MYO9A: variants seen among roughly 807,000 people sequenced by gnomAD.
MYO9A encodes the protein unconventional myosin-IXa.
A neutral mutation model predicts 293.3 loss-of-function variants in MYO9A; 103 were observed. The ratio of observed to expected loss-of-function variants is 0.35; its 90% CI spans 0.30 to 0.41. MYO9A has a LOEUF of 0.41. Among genes scored for constraint, MYO9A ranks in the 10% least tolerant of loss-of-function variants. MYO9A has a pLI of 1.00. For synonymous variants in MYO9A, 1,001 were observed against 1,035.7 expected, an observed-to-expected ratio of 0.97 and a Z score of 0.64; for missense variants, 2,685 against 3,033.0, an observed-to-expected ratio of 0.89 and a Z score of 2.69.
chr15:71,912,508 G>A (rs1410589047), intron 19 of MYO9A, among the ~76,000 whole-genome samples: 3 of 152,040 alleles, frequency 2.0e-5, no homozygotes, highest in African/African-American at 4.8e-5. Flanking sequence ...TGCCTGCCTC[G>A]GCCTCCCAAA....
intron 11 of MYO9A, among the ~76,000 whole-genome samples, chr15:71,987,526 A>C (rs1433977890): frequency 6.6e-6 from 1 of 152,216 alleles, no homozygotes; most frequent in Non-Finnish European, 1.5e-5. Flanking sequence ...ATATGCCAGA[A>C]TCAACCCTGG....
intron 1 of MYO9A, among the ~76,000 whole-genome samples, chr15:72,074,077 T>A (rs1276398200): frequency 6.6e-6 from 1 of 152,106 alleles, no homozygotes; most frequent in Non-Finnish European, 1.5e-5. Context: ...TCACCTGCCT[T>A]TACACATAAA....
intron 18 of MYO9A, among the ~76,000 whole-genome samples, chr15:71,923,971 T>A (rs569231328): frequency 6.6e-6 from 1 of 152,272 alleles, no homozygotes; most frequent in Non-Finnish European, 1.5e-5. Context: ...CTTACTAACG[T>A]AGACAATTAT....
chr15:71,849,560 G>T (rs1316742834), intron 38 of MYO9A, among the ~76,000 whole-genome samples: 3 of 152,070 alleles, frequency 2.0e-5, no homozygotes, highest in Admixed American at 6.5e-5. Flanking sequence ...CTGGGGATGG[G>T]ATCCAAATAT....
chr15:71,823,680 A>G lies in MYO9A; in HGVS notation c.*2900T>C, dbSNP rs1212075346. The G allele has an allele frequency of 6.6e-6, 1 of 152,238 alleles. No homozygotes were observed. Among genetic ancestry groups the G allele is most frequent in the African/African-American group, 2.4e-5 (1 of 41,458 alleles). 9.4% of individuals were successfully genotyped at this position (152,238 alleles called of 1,614,324 possible). ...TTGTTACATTTTCCATAATAAGTAC[A>G]TACTAAATTACAGGGATACATTCAC... On this transcript the variant is annotated 3_prime_UTR_variant, in exon 42 of 42. Transcript: ENST00000356056.
chr15:71,994,391 T>C, intron 10 of MYO9A, 78 bp downstream of exon 10: 1 of 853,274 alleles, frequency 1.2e-6, no homozygotes, highest in East Asian at 2.6e-5. Flanking sequence ...TAATTCTGTG[T>C]TTTTAAATTT....
intron 4 of MYO9A, among the ~76,000 whole-genome samples, chr15:72,026,072 G>A (rs917776669): frequency 2.2e-4 from 33 of 151,830 alleles, no homozygotes; most frequent in Admixed American, 6.6e-5. Context: ...AGGAGATCGA[G>A]ACCATCCTGG....
intron 19 of MYO9A, among the ~76,000 whole-genome samples, chr15:71,913,815 T>C (rs995728026): frequency 6.6e-6 from 1 of 152,180 alleles, no homozygotes; most frequent in African/African-American, 2.4e-5. Flanking sequence ...AGCCTTTACA[T>C]TAGGACTATT....
rs928915608 is a variant in MYO9A at position 72,027,724 on chromosome 15, T to C, written c.998+7A>G. The C allele has an allele frequency of 3.1e-6, 5 of 1,596,048 alleles. No homozygotes were observed. The highest frequency in any genetic ancestry group is 4.3e-6 in the Non-Finnish European group (5 of 1,170,410). ...CTTCATCTAATTACACAAATAAAAATACGTACCGTTCATTATGCTCCTGAT... is the reference window on the plus strand; with the variant it reads ...CTTCATCTAATTACACAAATAAAAACACGTACCGTTCATTATGCTCCTGAT... On this transcript the variant is annotated splice_region_variant and intron_variant, in intron 4 of 41. Transcript: ENST00000356056.
chr15:71,964,757 A>C (rs2075830091), intron 13 of MYO9A, among the ~76,000 whole-genome samples: 1 of 152,028 alleles, frequency 6.6e-6, no homozygotes, highest in Non-Finnish European at 1.5e-5. Context: ...ACTGCATTCC[A>C]GCCGGGTGAC....
At chr15:71,852,001 T>G in intron 36 of MYO9A, 131 bp downstream of exon 36, 1 of 1,076,724 alleles carries the variant, frequency 9.3e-7, no homozygotes, top group Non-Finnish European at 1.3e-6. Context: ...CGTTTTGTAT[T>G]CACTGTCAAA....
chr15:71,887,895 C>G (rs951162932), intron 27 of MYO9A, 109 bp downstream of exon 27: 1 of 542,686 alleles, frequency 1.8e-6, no homozygotes. Flanking sequence ...AGTTTAATTT[C>G]AAAAGTGGCC....
At chr15:71,946,194 T>C (rs1418084969) in intron 15 of MYO9A, among the ~76,000 whole-genome samples, 1 of 152,218 alleles carries the variant, frequency 6.6e-6, no homozygotes, top group Admixed American at 6.5e-5. Context: ...AACAGAATAA[T>C]AACACTGGCC....
rs542896824 is a variant in MYO9A at position 71,825,348 on chromosome 15, TA to T, written c.*1231del. ...AGGGAAGCACAAGGTTAAAAAGAAA[TA>T]TGCCTACTATACATACATATTTACA... On this transcript the variant is annotated 3_prime_UTR_variant, in exon 42 of 42. Coordinates refer to ENST00000356056, the MANE Select transcript of MYO9A (RefSeq NM_006901.4). 1 of 152,128 alleles carries T rather than the reference TA, an allele frequency of 6.6e-6. No homozygotes were observed. Among genetic ancestry groups the T allele is most frequent in the Non-Finnish European group, 1.5e-5 (1 of 68,024 alleles). 9.4% of individuals were successfully genotyped at this position (152,128 alleles called of 1,614,324 possible). A position where few individuals can be genotyped will look rare whatever the true frequency, so the allele number is the denominator to read the frequency against.
At chr15:72,115,972 T>C (rs948623698) in intron 1 of MYO9A, among the ~76,000 whole-genome samples, 1 of 152,212 alleles carries the variant, frequency 6.6e-6, no homozygotes. Context: ...CACTTCCATA[T>C]GTATTGTTAA....
At chr15:71,918,095 T>A (rs1047739992) in intron 18 of MYO9A, among the ~76,000 whole-genome samples, 1 of 152,170 alleles carries the variant, frequency 6.6e-6, no homozygotes, top group African/African-American at 2.4e-5. Context: ...CCACAATCCA[T>A]TCAATCTCAC....
At chr15:71,970,348 A>T (rs780808311) in intron 12 of MYO9A, among the ~76,000 whole-genome samples, 37 of 152,222 alleles carry the variant, frequency 2.4e-4, no homozygotes, top group Non-Finnish European at 4.4e-4. Context: ...TAAGTAGGAA[A>T]GGCTAAACCA....
chr15:72,104,968 T>G (rs1446971257), intron 1 of MYO9A, among the ~76,000 whole-genome samples: 1 of 152,230 alleles, frequency 6.6e-6, no homozygotes, highest in Non-Finnish European at 1.5e-5. Flanking sequence ...CATGGGCTTT[T>G]TTTTAGTTCT....
Position 72,000,079 on chromosome 15 carries a change from C to T in MYO9A, c.1381-139G>A, listed in dbSNP as rs1292586306. On this transcript the variant is annotated intron_variant, in intron 8 of 41. Coordinates refer to ENST00000356056, the MANE Select transcript of MYO9A (RefSeq NM_006901.4). ...CAGAGAAAAAAGGCAATACACTGGGCAATTTTAATACTGGCCAAATGGAAT... is the reference window on the plus strand; with the variant it reads ...CAGAGAAAAAAGGCAATACACTGGGTAATTTTAATACTGGCCAAATGGAAT... The T allele has an allele frequency of 9.4e-6, 5 of 533,324 alleles. No individual in the cohort carries two copies. The African/African-American group carries it at 9.9e-5, about 11-fold the overall frequency. 33.0% of individuals were successfully genotyped at this position (533,324 alleles called of 1,614,324 possible).
Sources: allele counts gnomAD v4.1 joint callset (sites outside exome capture counted in the v4.1 genomes callset), GRCh38; gene constraint gnomAD v4.1.1; transcripts MANE v1.5; gene names NCBI Gene and HGNC (gene_info 2026-07-23, HGNC 2026-07-21).